Variants in BICDL1 observed in about 807,000 individuals in gnomAD.
The protein encoded by BICDL1 is BICD family like cargo adaptor 1.
A neutral mutation model predicts 76.8 loss-of-function variants in BICDL1; 20 were observed. The observed-to-expected ratio is 0.26, with a 90% CI of 0.18 to 0.38. BICDL1 has a LOEUF of 0.38. BICDL1 is among the 10% of genes least tolerant of loss of function. BICDL1 has a pLI of 1.00. For missense variants in BICDL1, 700 were observed against 798.6 expected, an observed-to-expected ratio of 0.88 and a Z score of 1.49; for synonymous variants, 383 against 337.1, an observed-to-expected ratio of 1.14 and a Z score of -1.49.
Position 120,093,279 on chromosome 12 carries a change from C to A in BICDL1, c.*118C>A. The A allele has an allele frequency of 8.2e-7, 1 of 1,216,472 alleles. No individual in the cohort carries two copies. The highest frequency in any genetic ancestry group is 1.4e-5 in the South Asian group (1 of 72,326). 75.4% of individuals were successfully genotyped at this position (1,216,472 alleles called of 1,614,324 possible). A position where few individuals can be genotyped will look rare whatever the true frequency, so the allele number is the denominator to read the frequency against. On this transcript the variant is annotated 3_prime_UTR_variant, in exon 10 of 10. Coordinates refer to ENST00000548673, the MANE Select transcript of BICDL1 (RefSeq NM_001367886.1). ...AGCTGCCCTGCCCCTCATGCTAGGG[C>A]CCCATGGGTCCGGGAGGGCCTGCTC...
intron 2 of BICDL1, among the ~76,000 whole-genome samples, chr12:120,011,237 G>C (rs772045961): frequency 6.6e-6 from 1 of 152,112 alleles, no homozygotes; most frequent in Non-Finnish European, 1.5e-5. Context: ...TGTTGCTTCC[G>C]CTCATTTGCT....
intron 2 of BICDL1, among the ~76,000 whole-genome samples, chr12:120,038,900 A>T (rs1463429147): frequency 1.3e-5 from 2 of 152,172 alleles, no homozygotes; most frequent in Non-Finnish European, 2.9e-5. Flanking sequence ...CAGGGTGGGT[A>T]CTCAGTACAG....
rs753653031 is a variant in BICDL1 at position 120,061,738 on chromosome 12, T to C, written c.674T>C (p.Met225Thr). 2.5e-6 allele frequency: 4 copies of C among 1,614,050 alleles called. No homozygotes were observed. The highest frequency in any genetic ancestry group is 2.7e-5 in the African/African-American group (2 of 74,936). The part of the protein sequence containing the change: ...RASEVERQLS[M>T]QVHALREDFR... ...TCAGAAGTTGAGAGACAACTCTCCA[T>C]GCAGGTCCACGCCCTCAGAGAAGAC... Residue 225 changes from methionine to threonine, a missense_variant, in exon 3 of 10, where the codon ATG (methionine) becomes ACG (threonine). Transcript: ENST00000548673.
At chr12:120,028,378 A>T (rs1161509216) in intron 2 of BICDL1, among the ~76,000 whole-genome samples, 5 of 152,176 alleles carry the variant, frequency 3.3e-5, no homozygotes, top group Non-Finnish European at 5.9e-5. Flanking sequence ...TTTCCAAAAA[A>T]AAAAAATAGA....
chr12:120,088,907 G>A (rs573876025), intron 8 of BICDL1, among the ~76,000 whole-genome samples: 154 of 148,152 alleles, frequency 1.0e-3, no homozygotes, highest in Middle Eastern at 3.9e-3. Context: ...CTCGTGATCC[G>A]CCCGCCTTGG....
At chr12:120,035,442 G>A (rs1323650918) in intron 2 of BICDL1, among the ~76,000 whole-genome samples, 1 of 152,154 alleles carries the variant, frequency 6.6e-6, no homozygotes, top group Non-Finnish European at 1.5e-5. Context: ...TATGTGATAC[G>A]TAGCCTTATC....
At chr12:120,043,360 A>G (rs1424148967) in intron 2 of BICDL1, among the ~76,000 whole-genome samples, 1 of 152,224 alleles carries the variant, frequency 6.6e-6, no homozygotes, top group Non-Finnish European at 1.5e-5. Flanking sequence ...ACAAGCTCCA[A>G]AAAAGAAAAG....
intron 2 of BICDL1, among the ~76,000 whole-genome samples, chr12:120,032,656 A>G (rs966622387): frequency 1.8e-4 from 28 of 152,260 alleles, no homozygotes; most frequent in African/African-American, 6.0e-4. Flanking sequence ...TAAAAACATC[A>G]TATTTCCACC....
chr12:119,996,091 T>G (rs918865653), intron 1 of BICDL1, among the ~76,000 whole-genome samples: 1 of 152,198 alleles, frequency 6.6e-6, no homozygotes, highest in East Asian at 1.9e-4. Flanking sequence ...TCATTTCTTT[T>G]CCCACATTGC....
chr12:120,017,777 T>C (rs1018079194), intron 2 of BICDL1, among the ~76,000 whole-genome samples: 1 of 152,106 alleles, frequency 6.6e-6, no homozygotes, highest in Non-Finnish European at 1.5e-5. Flanking sequence ...TAATAGTTGC[T>C]CAATTAGTGG....
At chr12:120,005,438 A>C (rs1285358474) in intron 2 of BICDL1, among the ~76,000 whole-genome samples, 1 of 152,140 alleles carries the variant, frequency 6.6e-6, no homozygotes, top group Non-Finnish European at 1.5e-5. Flanking sequence ...TAGTGGCACA[A>C]TCTCGGCACA....
chr12:120,070,233 C>T (rs1872983701), intron 4 of BICDL1, among the ~76,000 whole-genome samples: 1 of 152,182 alleles, frequency 6.6e-6, no homozygotes, highest in Admixed American at 6.5e-5. Context: ...TTTCTACTCC[C>T]ACCAGCATTG....
intron 2 of BICDL1, among the ~76,000 whole-genome samples, chr12:120,008,562 A>T (rs1040982574): frequency 1.3e-5 from 2 of 152,134 alleles, no homozygotes; most frequent in Non-Finnish European, 2.9e-5. Flanking sequence ...TGGCTTGAGG[A>T]TTGGCTTTTT....
intron 8 of BICDL1, among the ~76,000 whole-genome samples, chr12:120,085,529 A>ATT (rs1298805202): frequency 3.3e-5 from 5 of 152,210 alleles, no homozygotes; most frequent in Non-Finnish European, 7.3e-5. Flanking sequence ...TCAAAAGCAG[A>ATT]AGGAGGCCAG....
chr12:120,052,804 G>A (rs1341270728), intron 2 of BICDL1, among the ~76,000 whole-genome samples: 4 of 152,254 alleles, frequency 2.6e-5, no homozygotes, highest in East Asian at 3.9e-4. Flanking sequence ...ACAGAGTCTC[G>A]CTTTGTCACC....
chr12:120,021,613 G>C (rs1243877063), intron 2 of BICDL1, among the ~76,000 whole-genome samples: 154 of 117,406 alleles, frequency 1.3e-3, no homozygotes, highest in African/African-American at 4.9e-3. Flanking sequence ...AAAAAAAAGA[G>C]AATCAGCCAG....
intron 2 of BICDL1, among the ~76,000 whole-genome samples, chr12:120,042,679 C>T (rs1485487242): frequency 6.6e-6 from 1 of 151,816 alleles, no homozygotes; most frequent in Non-Finnish European, 1.5e-5. Context: ...GTGGCGGGTG[C>T]CTGTAATCCC....
chr12:120,027,969 G>A (rs1369485906), intron 2 of BICDL1, among the ~76,000 whole-genome samples: 1 of 152,202 alleles, frequency 6.6e-6, no homozygotes, highest in Non-Finnish European at 1.5e-5. Context: ...CTAAATGGGT[G>A]TTTTTAAGGC....
At chr12:120,031,451 G>A (rs748186781) in intron 2 of BICDL1, among the ~76,000 whole-genome samples, 49 of 152,106 alleles carry the variant, frequency 3.2e-4, no homozygotes, top group Non-Finnish European at 4.1e-4. Context: ...TGATCTGCCC[G>A]CCTCAGCCTC....
Sources: gnomAD v4.1 joint callset for allele counts (sites outside exome capture counted in the v4.1 genomes callset) on GRCh38, gnomAD v4.1.1 for gene constraint, MANE v1.5 for transcripts, NCBI Gene and HGNC (gene_info 2026-07-23, HGNC 2026-07-21) for gene names.